Variants in MSH4 observed in about 807,000 individuals in gnomAD.
The protein encoded by MSH4 is mutS homolog 4.
MSH4 carries 106 observed loss-of-function variants against 113.7 expected under a neutral mutation model. That is an observed-to-expected ratio of 0.93 (90% CI 0.80 to 1.10). MSH4 has a LOEUF of 1.10. Among genes scored for constraint, MSH4 ranks in the 50% least tolerant of loss-of-function variants. MSH4 has a pLI of 0.00. For missense variants in MSH4, 1,061 were observed against 1,093.7 expected, an observed-to-expected ratio of 0.97 and a Z score of 0.42; for synonymous variants, 368 against 380.2, an observed-to-expected ratio of 0.97 and a Z score of 0.37.
intron 17 of MSH4, among the ~76,000 whole-genome samples, chr1:75,892,493 A>T (rs982602443): frequency 6.6e-6 from 1 of 152,040 alleles, no homozygotes; most frequent in Non-Finnish European, 1.5e-5. Context: ...ATGATCTGAC[A>T]ATAGTGGTAA....
rs538191776 is a variant in MSH4, at chr1:75,802,168, TACAG to T, written c.245-1559_245-1556del. ...TAAGCTACAGAACGAGAGTCTCACA[TACAG>T]ACAAAAAGGAAAAATTAAAAGTTTA... On this transcript the variant is annotated intron_variant, in intron 1 of 19. Coordinates refer to ENST00000263187, the MANE Select transcript of MSH4 (RefSeq NM_002440.4). 2.9e-3 allele frequency among the ~76,000 whole-genome samples: 441 copies of T among 152,220 alleles called. 1 individual carries two copies. Among genetic ancestry groups the T allele is most frequent in the African/African-American group, 0.01 (426 of 41,548 alleles).
At chr1:75,910,248 C>G (rs1652760198) in intron 19 of MSH4, among the ~76,000 whole-genome samples, 2 of 151,956 alleles carry the variant, frequency 1.3e-5, no homozygotes, top group Non-Finnish European at 2.9e-5. Context: ...ATTATAAAAT[C>G]CTTTGTCCTT....
At chr1:75,852,977 T>A (rs566676272) in intron 8 of MSH4, among the ~76,000 whole-genome samples, 31 of 152,330 alleles carry the variant, frequency 2.0e-4, no homozygotes, top group Admixed American at 3.3e-4. Flanking sequence ...AAAATTATTA[T>A]GAAAATTATT....
At chr1:75,849,370 G>A (rs1651139912) in intron 8 of MSH4, among the ~76,000 whole-genome samples, 1 of 152,018 alleles carries the variant, frequency 6.6e-6, no homozygotes, top group South Asian at 2.1e-4. Flanking sequence ...ATGAACTGAA[G>A]AATATTTACT....
intron 1 of MSH4, among the ~76,000 whole-genome samples, chr1:75,800,723 A>C (rs1320195981): frequency 6.6e-6 from 1 of 152,172 alleles, no homozygotes; most frequent in African/African-American, 2.4e-5. Flanking sequence ...GGTAATAAAG[A>C]ATTAATTTTG....
chr1:75,905,962 G>C (rs1256119120), intron 19 of MSH4, among the ~76,000 whole-genome samples: 1 of 151,762 alleles, frequency 6.6e-6, no homozygotes, highest in African/African-American at 2.4e-5. Context: ...TGAGTTTCTA[G>C]TTAGCATCAT....
At chr1:75,888,469 TTC>T (rs1652175697) in intron 15 of MSH4, among the ~76,000 whole-genome samples, 1 of 152,024 alleles carries the variant, frequency 6.6e-6, no homozygotes, top group African/African-American at 2.4e-5. Flanking sequence ...CACCTTTTTT[TTC>T]TTTTTATTAA....
intron 7 of MSH4, among the ~76,000 whole-genome samples, chr1:75,832,942 A>G (rs184448139): frequency 1.1e-3 from 170 of 152,304 alleles, no homozygotes; most frequent in African/African-American, 3.4e-3. Flanking sequence ...CAGGGCAAGC[A>G]GGCAAAAGAA....
chr1:75,799,649 A>G (rs1222984589), intron 1 of MSH4, among the ~76,000 whole-genome samples: 1 of 152,180 alleles, frequency 6.6e-6, no homozygotes, highest in East Asian at 1.9e-4. Context: ...TAAAACTGCT[A>G]ATAATTTTGC....
At chr1:75,873,994 C>T (rs1244800623) in intron 9 of MSH4, among the ~76,000 whole-genome samples, 2 of 152,104 alleles carry the variant, frequency 1.3e-5, no homozygotes, top group Non-Finnish European at 2.9e-5. Flanking sequence ...GAGGAATTGC[C>T]ACACTGCTTT....
chr1:75,865,365 T>G (rs566897321), intron 8 of MSH4, among the ~76,000 whole-genome samples: 12 of 152,316 alleles, frequency 7.9e-5, no homozygotes, highest in Non-Finnish European at 1.5e-4. Flanking sequence ...CCTACTCTAA[T>G]ATCTTGATTG....
At chr1:75,846,313 G>T (rs1023947751) in intron 7 of MSH4, among the ~76,000 whole-genome samples, 2 of 152,072 alleles carry the variant, frequency 1.3e-5, no homozygotes, top group African/African-American at 4.8e-5. Context: ...CATTTTATGT[G>T]GCCAGGCTAA....
intron 3 of MSH4, among the ~76,000 whole-genome samples, chr1:75,809,316 G>A (rs1226850889): frequency 6.6e-6 from 1 of 152,040 alleles, no homozygotes; most frequent in African/African-American, 2.4e-5. Context: ...GTCCTCCAGT[G>A]TGTAGACTTC....
intron 7 of MSH4, among the ~76,000 whole-genome samples, chr1:75,847,733 T>G (rs1433665732): frequency 1.3e-5 from 2 of 152,124 alleles, no homozygotes; most frequent in Non-Finnish European, 2.9e-5. Context: ...CATCCTCACT[T>G]TCTAACAACC....
chr1:75,829,269 G>A (rs1185251934), intron 7 of MSH4, among the ~76,000 whole-genome samples: 1 of 152,186 alleles, frequency 6.6e-6, no homozygotes, highest in African/African-American at 2.4e-5. Context: ...GCTTGAGTAG[G>A]TAAACAAAGC....
At chr1:75,884,498 A>G (rs1449801710) in intron 15 of MSH4, among the ~76,000 whole-genome samples, 3 of 151,882 alleles carry the variant, frequency 2.0e-5, no homozygotes, top group African/African-American at 7.3e-5. Flanking sequence ...TTACCTCCCA[A>G]CTCCCAGAAT....
intron 1 of MSH4, among the ~76,000 whole-genome samples, chr1:75,800,811 T>C (rs1403829065): frequency 7.9e-5 from 12 of 152,208 alleles, no homozygotes; most frequent in African/African-American, 2.7e-4. Context: ...GAGATAGATA[T>C]AGTGACCTGG....
rs1234694463 is a variant in MSH4 at position 75,886,617 on chromosome 1, T to C, written c.2108-2634T>C. On this transcript the variant is annotated intron_variant, in intron 15 of 19. Transcript: ENST00000263187. ...GTATTATATATTATATAATGTATAA[T>C]ATATAAATATATAAATATATAATTA... 3.9e-4 allele frequency among the ~76,000 whole-genome samples: 26 copies of C among 66,024 alleles called. No individual in the cohort carries two copies. In the South Asian group the frequency reaches 9.5e-3, roughly 24 times the overall value. 43.3% of individuals were successfully genotyped at this position (66,024 alleles called of 152,430 possible).
chr1:75,871,552 T>A (rs964592091), intron 9 of MSH4, among the ~76,000 whole-genome samples: 3 of 152,238 alleles, frequency 2.0e-5, no homozygotes, highest in African/African-American at 7.2e-5. Context: ...AGTTCTTATC[T>A]GTCAAAGAAG....
Sources: allele counts gnomAD v4.1 joint callset (sites outside exome capture counted in the v4.1 genomes callset), GRCh38; gene constraint gnomAD v4.1.1; transcripts MANE v1.5; gene names NCBI Gene and HGNC (gene_info 2026-07-23, HGNC 2026-07-21).